IMMP2L: variants seen among roughly 807,000 people sequenced by gnomAD.
IMMP2L encodes mitochondrial inner membrane protease subunit 2.
In IMMP2L, 18 loss-of-function variants were observed where a neutral mutation model predicts 19.3. That is an observed-to-expected ratio of 0.93 (90% CI 0.64 to 1.38). The LOEUF is 1.38. Among genes scored for constraint, IMMP2L ranks in the 40% most tolerant of loss-of-function variants. The probability of loss-of-function intolerance (pLI) is 0.00; values close to 1 mark genes in which losing one functional copy is unlikely to be tolerated. For missense variants in IMMP2L, 233 were observed against 218.2 expected (o/e 1.07, Z -0.43); for synonymous variants, 76 against 73.0 (o/e 1.04, Z -0.21).
chr7:111,048,253 A>AAAAG lies in IMMP2L; in HGVS notation c.240-84689_240-84688insCTTT, dbSNP rs1563192196. Reference sequence around the variant, plus strand: ...GACTCTGTCTCAAAAAAAAAAAAAAAAAAAAAAAAAAAGAAAAAAAGAAAA... The same window carrying AAAAG: ...GACTCTGTCTCAAAAAAAAAAAAAAAAAAGAAAAAAAAAAAAGAAAAAAAGAAAA... On this transcript the variant is annotated intron_variant, in intron 3 of 5. Coordinates refer to ENST00000405709, the MANE Select transcript of IMMP2L (RefSeq NM_032549.4). 2.8e-5 allele frequency among the ~76,000 whole-genome samples: 4 copies of AAAAG among 143,084 alleles called. 1 individual carries two copies. The highest frequency in any genetic ancestry group is 7.5e-5 in the African/African-American group (3 of 39,760). 93.9% of individuals were successfully genotyped at this position (143,084 alleles called of 152,430 possible).
Position 110,886,678 on chromosome 7 carries a change from T to C in IMMP2L, c.323A>G (p.Asn108Ser). The change falls in exon 5 of 6, where the codon AAC becomes AGC. Residue 108 changes from asparagine to serine, a missense_variant. Transcript: ENST00000405709. The stretch of plus-strand genomic sequence containing the variant: ...ACCACGGGGGACTTTGACATACCGG[T>C]TTTTGTGTCCTATGGTTCTGGAAAT... ...GDIVRTIGHK[N>S]RYVKVPRGHI... The C allele has an allele frequency of 1.3e-6, 2 of 1,583,848 alleles. No homozygotes were observed. Among genetic ancestry groups the C allele is most frequent in the Non-Finnish European group, 1.7e-6 (2 of 1,152,986 alleles).
intron 3 of IMMP2L, among the ~76,000 whole-genome samples, chr7:110,982,372 A>G (rs1485370612): frequency 6.6e-6 from 1 of 152,146 alleles, no homozygotes; most frequent in African/African-American, 2.4e-5. Flanking sequence ...TAGCTATATC[A>G]CTAGTTACTC....
chr7:111,217,920 T>C (rs151106153), intron 3 of IMMP2L, among the ~76,000 whole-genome samples: 9 of 152,072 alleles, frequency 5.9e-5, no homozygotes, highest in Non-Finnish European at 1.3e-4. Context: ...AAGTCTTCGG[T>C]ATCTCTCTGG....
intron 5 of IMMP2L, among the ~76,000 whole-genome samples, chr7:110,884,028 TAATTGAAGAGTC>T (rs1373513618): frequency 2.0e-5 from 3 of 152,102 alleles, no homozygotes; most frequent in Admixed American, 6.5e-5. Flanking sequence ...CAGGCATTTT[TAATTGAAGAGTC>T]AATTGAAGAG....
intron 3 of IMMP2L, among the ~76,000 whole-genome samples, chr7:111,265,431 G>A (rs1817728992): frequency 6.6e-6 from 1 of 152,124 alleles, no homozygotes; most frequent in Non-Finnish European, 1.5e-5. Context: ...CCATTTTGGA[G>A]CAGTGATAAT....
intron 3 of IMMP2L, among the ~76,000 whole-genome samples, chr7:111,055,683 T>C (rs889133548): frequency 2.6e-5 from 4 of 152,164 alleles, no homozygotes; most frequent in Non-Finnish European, 5.9e-5. Flanking sequence ...GTCAAGAATA[T>C]ATAATGACAA....
At chr7:110,892,210 C>G (rs969641286) in intron 4 of IMMP2L, among the ~76,000 whole-genome samples, 2 of 152,092 alleles carry the variant, frequency 1.3e-5, no homozygotes, top group African/African-American at 4.8e-5. Flanking sequence ...TGGTCCGTTC[C>G]CTGAGTTTTC....
At chr7:111,458,864 G>T (rs1489787419) in intron 3 of IMMP2L, among the ~76,000 whole-genome samples, 1 of 152,060 alleles carries the variant, frequency 6.6e-6, no homozygotes, top group African/African-American at 2.4e-5. Flanking sequence ...TGAATGACTG[G>T]ATACACTATT....
chr7:111,377,297 A>G (rs1053076000), intron 3 of IMMP2L, among the ~76,000 whole-genome samples: 5 of 151,912 alleles, frequency 3.3e-5, no homozygotes, highest in African/African-American at 1.2e-4. Context: ...ATATATAAAG[A>G]AGGAAAACAT....
intron 3 of IMMP2L, among the ~76,000 whole-genome samples, chr7:111,209,045 TAGAG>T (rs1427104303): frequency 3.3e-5 from 5 of 152,128 alleles, no homozygotes; most frequent in African/African-American, 9.7e-5. Context: ...GATGACAACT[TAGAG>T]AGCACAATTT....
At chr7:111,040,576 T>TTTAAATATTATATCTAATA (rs1791798556) in intron 3 of IMMP2L, among the ~76,000 whole-genome samples, 1 of 151,024 alleles carries the variant, frequency 6.6e-6, no homozygotes, top group Non-Finnish European at 1.5e-5. Context: ...ATATCTAATA[T>TTTAAATATTATATCTAATA]TTAAATATTA....
chr7:111,146,769 A>T (rs2129600967), intron 3 of IMMP2L, among the ~76,000 whole-genome samples: 1 of 152,252 alleles, frequency 6.6e-6, no homozygotes, highest in East Asian at 1.9e-4. Context: ...TTTGAAAAAA[A>T]CAAATCGATA....
chr7:110,694,527 A>G (rs1055203668), intron 5 of IMMP2L, among the ~76,000 whole-genome samples: 1 of 152,230 alleles, frequency 6.6e-6, no homozygotes, highest in Non-Finnish European at 1.5e-5. Context: ...AAGTTCTGAC[A>G]CAAAGGAGTA....
intron 3 of IMMP2L, among the ~76,000 whole-genome samples, chr7:111,102,124 T>C (rs2129580362): frequency 6.6e-6 from 1 of 151,564 alleles, no homozygotes; most frequent in East Asian, 1.9e-4. Context: ...AATCCCTATA[T>C]TGGGATAGAT....
At chr7:110,739,427 AC>A (rs1463402437) in intron 5 of IMMP2L, among the ~76,000 whole-genome samples, 3 of 152,202 alleles carry the variant, frequency 2.0e-5, no homozygotes, top group Non-Finnish European at 2.9e-5. Flanking sequence ...CTTATATCAA[AC>A]AAAACAAATT....
chr7:111,196,984 A>G (rs1562914264), intron 3 of IMMP2L, among the ~76,000 whole-genome samples: 1 of 152,134 alleles, frequency 6.6e-6, no homozygotes, highest in Admixed American at 6.5e-5. Context: ...AGCTACTTCC[A>G]GTTTTTCGTT....
chr7:111,299,360 A>G (rs1821968945), intron 3 of IMMP2L, among the ~76,000 whole-genome samples: 1 of 152,184 alleles, frequency 6.6e-6, no homozygotes, highest in Non-Finnish European at 1.5e-5. Flanking sequence ...AGTTATCACT[A>G]AATAGCTGTT....
intron 3 of IMMP2L, among the ~76,000 whole-genome samples, chr7:111,191,812 C>A (rs760253595): frequency 6.6e-6 from 1 of 152,096 alleles, no homozygotes; most frequent in Non-Finnish European, 1.5e-5. Context: ...CTCCACCCTA[C>A]CTTCCCATCC....
At chr7:111,423,840 C>CA (rs1258851332) in intron 3 of IMMP2L, among the ~76,000 whole-genome samples, 5 of 151,770 alleles carry the variant, frequency 3.3e-5, no homozygotes, top group East Asian at 1.9e-4. Flanking sequence ...AAAAATCCTT[C>CA]AAAAAAATCA....
Sources: gnomAD v4.1 joint callset for allele counts (sites outside exome capture counted in the v4.1 genomes callset) on GRCh38, gnomAD v4.1.1 for gene constraint, MANE v1.5 for transcripts, NCBI Gene and HGNC (gene_info 2026-07-23, HGNC 2026-07-21) for gene names.